GADL1: variants seen among roughly 807,000 people sequenced by gnomAD.
The protein encoded by GADL1 is GAD like acidic amino acid decarboxylase 1, also known as acidic amino acid decarboxylase GADL1.
GADL1 carries 71 observed loss-of-function variants against 69.5 expected under a neutral mutation model. That is an observed-to-expected ratio of 1.02 (90% CI 0.84 to 1.25). The LOEUF is 1.25. GADL1 is among the 50% of genes most tolerant of loss of function. GADL1 has a pLI of 0.00. For missense variants in GADL1, 737 were observed against 631.8 expected (o/e 1.17, Z -1.79); for synonymous variants, 254 against 214.4 (o/e 1.18, Z -1.62).
At position 30,774,463 on chromosome 3, in the gene GADL1, T is replaced by C. The variant is rs141629458; in HGVS notation, c.1392+3716A>G. On this transcript the variant is annotated intron_variant, in intron 14 of 14. Coordinates refer to ENST00000282538, the MANE Select transcript of GADL1 (RefSeq NM_207359.3). ...CAGAGTATTCGCAAAAGTTCATAAT[T>C]TTTGAAAAGTATATCATTAATACCA... Among the ~76,000 whole-genome samples, 478 of 152,300 alleles carry C rather than the reference T, an allele frequency of 3.1e-3. 4 individuals carry two copies. The highest frequency in any genetic ancestry group is 0.011 in the African/African-American group (458 of 41,556).
chr3:30,748,580 T>C lies in GADL1; in HGVS notation c.1393-20165A>G, dbSNP rs1035362061. On this transcript the variant is annotated intron_variant, in intron 14 of 14. Transcript: ENST00000282538. ...AACAAGCATCTATCAGCCATGGTAT[T>C]TTTCAGTTAAACAATATATGTGTAA... is the stretch of plus-strand genomic sequence containing the variant. Among the ~76,000 whole-genome samples the C allele has an allele frequency of 5.3e-5, 8 of 152,324 alleles. No homozygotes were observed. The East Asian group carries it at 1.3e-3, about 26-fold the overall frequency.
chr3:30,739,980 A>C (rs1163712241), intron 14 of GADL1, among the ~76,000 whole-genome samples: 2 of 152,186 alleles, frequency 1.3e-5, no homozygotes, highest in Non-Finnish European at 1.5e-5. Flanking sequence ...AGCAAGTTAC[A>C]CATTATTTTT....
chr3:30,841,076 A>C (rs1450513226), intron 8 of GADL1, among the ~76,000 whole-genome samples: 1 of 152,212 alleles, frequency 6.6e-6, no homozygotes, highest in Non-Finnish European at 1.5e-5. Context: ...CAGCAGAAAA[A>C]ATAGTTGATG....
At chr3:30,859,380 C>G (rs1045684061) in intron 2 of GADL1, among the ~76,000 whole-genome samples, 2 of 151,850 alleles carry the variant, frequency 1.3e-5, no homozygotes, top group Non-Finnish European at 2.9e-5. Context: ...ATGGATGAAT[C>G]TCAAATGCAT....
intron 3 of GADL1, among the ~76,000 whole-genome samples, chr3:30,855,612 T>C (rs896428713): frequency 1.3e-5 from 2 of 151,966 alleles, no homozygotes. Context: ...TTTAATTTTT[T>C]TCCCCCCTCC....
intron 11 of GADL1, among the ~76,000 whole-genome samples, chr3:30,828,525 T>A (rs1035458425): frequency 6.6e-6 from 1 of 151,130 alleles, no homozygotes; most frequent in Admixed American, 6.6e-5. Flanking sequence ...TCCTCTAGAA[T>A]GAAGATGAAA....
chr3:30,754,746 A>AATTTGCT (rs1695924734), intron 14 of GADL1, among the ~76,000 whole-genome samples: 1 of 152,212 alleles, frequency 6.6e-6, no homozygotes, highest in Non-Finnish European at 1.5e-5. Flanking sequence ...TGAGATGTTT[A>AATTTGCT]CTATGTTTAA....
In GADL1 at chr3:30,827,670, C is replaced by T. The variant is rs906687254; in HGVS notation, c.1050+6183G>A. Among the ~76,000 whole-genome samples, 4 of 151,912 alleles carry T rather than the reference C, an allele frequency of 2.6e-5. No homozygotes were observed. The East Asian group carries it at 7.8e-4, about 30-fold the overall frequency. Reference sequence around the variant, plus strand: ...GATGAAATCGTTTTTTAACGTGATGCACCTACAAAGCTTTGTGGAAAGAAA... The same window carrying T: ...GATGAAATCGTTTTTTAACGTGATGTACCTACAAAGCTTTGTGGAAAGAAA... On this transcript the variant is annotated intron_variant, in intron 11 of 14. Coordinates refer to ENST00000282538, the MANE Select transcript of GADL1 (RefSeq NM_207359.3).
chr3:30,843,871 G>T (rs79018579), intron 8 of GADL1, among the ~76,000 whole-genome samples: 3,600 of 152,260 alleles, frequency 0.024, 161 homozygotes, highest in African/African-American at 0.08. Flanking sequence ...GGAGAGGAGA[G>T]GCTAGGGCCC....
intron 6 of GADL1, among the ~76,000 whole-genome samples, chr3:30,848,332 T>G (rs1698088868): frequency 2.0e-5 from 3 of 152,210 alleles, no homozygotes; most frequent in Admixed American, 2.0e-4. Flanking sequence ...TTGCACTTAG[T>G]GCTGAAAGAT....
chr3:30,764,734 A>G (rs1390707725), intron 14 of GADL1, among the ~76,000 whole-genome samples: 1 of 152,206 alleles, frequency 6.6e-6, no homozygotes, highest in African/African-American at 2.4e-5. Flanking sequence ...ACCAAACTAA[A>G]CTGCCACAGT....
At chr3:30,787,731 GTC>G (rs1183659035) in intron 12 of GADL1, among the ~76,000 whole-genome samples, 1 of 152,050 alleles carries the variant, frequency 6.6e-6, no homozygotes, top group Non-Finnish European at 1.5e-5. Flanking sequence ...TGGGCCTCAA[GTC>G]TCTTACCTGT....
intron 14 of GADL1, among the ~76,000 whole-genome samples, chr3:30,754,117 C>T (rs971888002): frequency 6.6e-6 from 1 of 152,188 alleles, no homozygotes; most frequent in Admixed American, 6.5e-5. Context: ...TGCTAATGTG[C>T]CTCCCAAATA....
chr3:30,728,944 T>C (rs1695411708), intron 14 of GADL1, among the ~76,000 whole-genome samples: 1 of 141,870 alleles, frequency 7.0e-6, no homozygotes, highest in African/African-American at 2.5e-5. Context: ...TATGTACAGT[T>C]CTATTTTGAA....
intron 3 of GADL1, among the ~76,000 whole-genome samples, chr3:30,855,148 C>T (rs906063576): frequency 1.3e-5 from 2 of 151,908 alleles, no homozygotes; most frequent in East Asian, 1.9e-4. Flanking sequence ...ATAAATTATA[C>T]CTCATTCTAA....
At chr3:30,852,500 G>T (rs1371320983) in intron 4 of GADL1, among the ~76,000 whole-genome samples, 1 of 152,074 alleles carries the variant, frequency 6.6e-6, no homozygotes, top group Non-Finnish European at 1.5e-5. Context: ...AACAGAGCAA[G>T]ATTTCATCTC....
At chr3:30,868,356 C>G (rs921071375) in intron 1 of GADL1, among the ~76,000 whole-genome samples, 3 of 152,020 alleles carry the variant, frequency 2.0e-5, no homozygotes, top group Non-Finnish European at 4.4e-5. Context: ...CTCACCAACT[C>G]TCAACATGGT....
chr3:30,756,754 C>CA (rs1695983472), intron 14 of GADL1, among the ~76,000 whole-genome samples: 1 of 152,166 alleles, frequency 6.6e-6, no homozygotes, highest in African/African-American at 2.4e-5. Flanking sequence ...CCTTCAGCAG[C>CA]AAACACAGCC....
chr3:30,816,550 T>C lies in GADL1; in HGVS notation c.1051-15462A>G, dbSNP rs1423321770. ...GTTTTCTTTTTTTTTTTTTTTTTTT[T>C]TTTTTTTTTTTTTTTTGAGACAGTC... On this transcript the variant is annotated intron_variant, in intron 11 of 14. Coordinates refer to ENST00000282538, the MANE Select transcript of GADL1 (RefSeq NM_207359.3). Among the ~76,000 whole-genome samples the C allele has an allele frequency of 5.8e-4, 49 of 84,674 alleles. 2 individuals carry two copies. The highest frequency in any genetic ancestry group is 1.8e-3 in the African/African-American group (42 of 23,062). The allele number at this position is 84,674 out of a possible 152,430, so 55.5% of individuals were successfully genotyped here. A position where few individuals can be genotyped will look rare whatever the true frequency, so the allele number is the denominator to read the frequency against.
Sources: gnomAD v4.1 joint callset for allele counts (sites outside exome capture counted in the v4.1 genomes callset) on GRCh38, gnomAD v4.1.1 for gene constraint, MANE v1.5 for transcripts, NCBI Gene and HGNC (gene_info 2026-07-23, HGNC 2026-07-21) for gene names.